ATF7IP2: variants seen among roughly 807,000 people sequenced by gnomAD.
The protein encoded by ATF7IP2 is activating transcription factor 7 interacting protein 2, also known as activating transcription factor 7-interacting protein 2.
A neutral mutation model predicts 64.2 loss-of-function variants in ATF7IP2; 42 were observed. The ratio of observed to expected loss-of-function variants is 0.65; its 90% CI spans 0.51 to 0.85. The LOEUF (loss-of-function observed/expected upper bound fraction) is 0.85, where lower values mean the gene tolerates loss of function less well. Ranked by LOEUF, ATF7IP2 falls within the 40% of genes least tolerant of loss-of-function variation. The pLI, the probability that ATF7IP2 is intolerant of heterozygous loss-of-function variation, is 0.00. For missense variants in ATF7IP2, 933 were observed against 784.2 expected (o/e 1.19, Z -2.27); for synonymous variants, 308 against 272.8 (o/e 1.13, Z -1.27).
At chr16:10,414,833 C>T (rs1485868264) in intron 2 of ATF7IP2, among the ~76,000 whole-genome samples, 1 of 152,046 alleles carries the variant, frequency 6.6e-6, no homozygotes, top group Non-Finnish European at 1.5e-5. Context: ...CAGTACTCTT[C>T]CCCTTTTCCT....
At chr16:10,465,571 C>T (rs546545571) in intron 9 of ATF7IP2, among the ~76,000 whole-genome samples, 2 of 151,374 alleles carry the variant, frequency 1.3e-5, no homozygotes, top group African/African-American at 4.9e-5. Flanking sequence ...AACCCCATCT[C>T]TACTAAAAAC....
At chr16:10,477,845 C>T (rs2050068884) in intron 12 of ATF7IP2, among the ~76,000 whole-genome samples, 1 of 151,826 alleles carries the variant, frequency 6.6e-6, no homozygotes, top group African/African-American at 2.4e-5. Context: ...CACAAGCATA[C>T]TTATACACCA....
At chr16:10,465,831 TAGACCATA>T (rs1358828207) in intron 9 of ATF7IP2, among the ~76,000 whole-genome samples, 1 of 152,066 alleles carries the variant, frequency 6.6e-6, no homozygotes, top group Non-Finnish European at 1.5e-5. Flanking sequence ...GAATTCCCGT[TAGACCATA>T]AGTTTGCCAT....
chr16:10,403,828 G>C (rs1043817461), intron 1 of ATF7IP2, among the ~76,000 whole-genome samples: 4 of 152,264 alleles, frequency 2.6e-5, no homozygotes, highest in African/African-American at 9.6e-5. Flanking sequence ...GAATGCATTT[G>C]AAAGCCTCAA....
At chr16:10,389,434 T>C (rs1240654466) in intron 1 of ATF7IP2, among the ~76,000 whole-genome samples, 5 of 152,204 alleles carry the variant, frequency 3.3e-5, no homozygotes, top group Non-Finnish European at 7.4e-5. Flanking sequence ...ATAGGAAATC[T>C]AGCTAATTAC....
chr16:10,455,273 G>C (rs369533772), intron 8 of ATF7IP2, among the ~76,000 whole-genome samples: 4 of 152,088 alleles, frequency 2.6e-5, no homozygotes, highest in South Asian at 2.1e-4. Flanking sequence ...TAATCAAAAG[G>C]GTTCTTACAA....
intron 9 of ATF7IP2, among the ~76,000 whole-genome samples, chr16:10,461,867 TTA>T (rs1241065889): frequency 6.6e-6 from 1 of 152,134 alleles, no homozygotes; most frequent in African/African-American, 2.4e-5. Flanking sequence ...CTGAAAATAA[TTA>T]TCTTTTAATC....
intron 8 of ATF7IP2, among the ~76,000 whole-genome samples, chr16:10,456,048 C>T (rs1596563628): frequency 1.3e-5 from 2 of 151,952 alleles, no homozygotes; most frequent in South Asian, 2.1e-4. Flanking sequence ...GACACAATCT[C>T]GGCTCACTGC....
intron 1 of ATF7IP2, among the ~76,000 whole-genome samples, chr16:10,393,141 C>T (rs1222638477): frequency 6.6e-6 from 1 of 151,874 alleles, no homozygotes; most frequent in Non-Finnish European, 1.5e-5. Flanking sequence ...GAAACCCCCT[C>T]TCTACTAAAA....
At chr16:10,459,324 C>T (rs1158993395) in intron 9 of ATF7IP2, among the ~76,000 whole-genome samples, 4 of 151,826 alleles carry the variant, frequency 2.6e-5, no homozygotes, top group African/African-American at 4.8e-5. Flanking sequence ...AAAAATTAGC[C>T]GGGCATGGTG....
rs146251216 is a variant in ATF7IP2, at chr16:10,416,624, C to G, written c.-203+2012C>G. On this transcript the variant is annotated intron_variant, in intron 2 of 13. Coordinates refer to ENST00000562102, the MANE Select transcript of ATF7IP2 (RefSeq NM_001393719.1). ...CCTGGCCAACATGGCGAAACTGCCT[C>G]TCTACTAAAAAACACAAAAGTTAGC... 3.0e-3 allele frequency among the ~76,000 whole-genome samples: 463 copies of G among 152,234 alleles called. 4 individuals are homozygous for G. Among genetic ancestry groups the G allele is most frequent in the African/African-American group, 0.01 (435 of 41,552 alleles).
intron 1 of ATF7IP2, among the ~76,000 whole-genome samples, chr16:10,409,762 A>G (rs958044228): frequency 3.3e-5 from 5 of 152,214 alleles, no homozygotes; most frequent in Non-Finnish European, 5.9e-5. Context: ...GTCTAAGGTG[A>G]GAGATGAGGA....
At chr16:10,394,364 AAG>A (rs576266484) in intron 1 of ATF7IP2, among the ~76,000 whole-genome samples, 215 of 152,356 alleles carry the variant, frequency 1.4e-3, no homozygotes, top group African/African-American at 4.8e-3. Context: ...TGCACCTACT[AAG>A]AGAGCAGCAA....
intron 2 of ATF7IP2, among the ~76,000 whole-genome samples, chr16:10,418,579 T>C (rs1158645305): frequency 6.6e-6 from 1 of 152,246 alleles, no homozygotes; most frequent in East Asian, 1.9e-4. Flanking sequence ...CAAGTGTTTT[T>C]ATCCATTTTA....
chr16:10,424,846 T>G (rs998991351), intron 3 of ATF7IP2, among the ~76,000 whole-genome samples: 1 of 152,058 alleles, frequency 6.6e-6, no homozygotes, highest in Non-Finnish European at 1.5e-5. Context: ...GAAGTGTTGG[T>G]GAAAAGATGT....
chr16:10,473,707 C>T (rs1330576828), intron 11 of ATF7IP2, among the ~76,000 whole-genome samples, 173 bp downstream of exon 11: 1 of 152,178 alleles, frequency 6.6e-6, no homozygotes, highest in Non-Finnish European at 1.5e-5. Flanking sequence ...AATTCATTTA[C>T]ATTCTCCTTA....
chr16:10,475,356 A>G (rs1435894461), intron 12 of ATF7IP2, among the ~76,000 whole-genome samples: 1 of 152,240 alleles, frequency 6.6e-6, no homozygotes, highest in Non-Finnish European at 1.5e-5. Context: ...AAATAGAAGT[A>G]AAGCTAAGAA....
intron 12 of ATF7IP2, among the ~76,000 whole-genome samples, chr16:10,476,831 G>A (rs2050027778): frequency 6.6e-6 from 1 of 152,130 alleles, no homozygotes; most frequent in Non-Finnish European, 1.5e-5. Flanking sequence ...GCAAAGAACA[G>A]GATCTCATTC....
intron 1 of ATF7IP2, among the ~76,000 whole-genome samples, chr16:10,405,433 C>T (rs919364886): frequency 6.6e-6 from 1 of 152,076 alleles, no homozygotes; most frequent in African/African-American, 2.4e-5. Context: ...AGCAAGGTGG[C>T]TGAATGGAAA....
Sources: gnomAD v4.1 joint callset for allele counts (sites outside exome capture counted in the v4.1 genomes callset) on GRCh38, gnomAD v4.1.1 for gene constraint, MANE v1.5 for transcripts, NCBI Gene and HGNC (gene_info 2026-07-23, HGNC 2026-07-21) for gene names.